The following ZC3H13 variants were observed in gnomAD, a reference collection of about 807,000 sequenced individuals.
ZC3H13 encodes zinc finger CCCH domain-containing protein 13.
A neutral mutation model predicts 204.1 loss-of-function variants in ZC3H13; 64 were observed. The ratio of observed to expected loss-of-function variants is 0.31; its 90% confidence interval spans 0.26 to 0.39. ZC3H13 has a LOEUF of 0.39. Ranked by LOEUF, ZC3H13 falls within the 10% of genes least tolerant of loss-of-function variation. The pLI is 1.00. For synonymous variants in ZC3H13, 667 were observed against 693.7 expected (o/e 0.96, Z 0.60); for missense variants, 1,833 against 2,082.7 (o/e 0.88, Z 2.33).
Position 45,969,866 on chromosome 13 carries a change from T to A in ZC3H13, c.2678A>T (p.Asp893Val), listed in dbSNP as rs766341038. The change falls in exon 14 of 19, where the codon GAT becomes GTT. Residue 893 changes from aspartate to valine, a missense_variant. Around this residue, in one of 5 missense-constraint regions of ZC3H13, gnomAD observed 1,574 missense variants for 1,757.2 expected, o/e 0.90. Transcript: ENST00000679008. Reference protein sequence around the residue: ...EDRQGRWKEEDRKPERKESSR... With the variant: ...EDRQGRWKEEVRKPERKESSR... ...ACTCTCTTTCCTTTCTGGTTTACGA[T>A]CCTCCTCTTTCCATCTACCCTGTCT... 5.6e-6 allele frequency: 9 copies of A among 1,613,890 alleles called. No homozygotes were observed. The highest frequency in any genetic ancestry group is 7.6e-6 in the Non-Finnish European group (9 of 1,179,976).
At chr13:46,030,087 T>C (rs1440616607) in intron 4 of ZC3H13, among the ~76,000 whole-genome samples, 2 of 152,150 alleles carry the variant, frequency 1.3e-5, no homozygotes, top group African/African-American at 4.8e-5. Flanking sequence ...CAAAAATCAA[T>C]TAATGTAACC....
intron 15 of ZC3H13, among the ~76,000 whole-genome samples, chr13:45,965,913 T>C (rs368239698): frequency 1.3e-5 from 2 of 152,312 alleles, no homozygotes; most frequent in South Asian, 4.1e-4. Context: ...TAGCTCATTA[T>C]ATAAACTTTA....
intron 8 of ZC3H13, among the ~76,000 whole-genome samples, chr13:45,993,675 C>T (rs2040125486): frequency 6.6e-6 from 1 of 152,140 alleles, no homozygotes; most frequent in South Asian, 2.1e-4. Flanking sequence ...CTAAATAAAC[C>T]TGTAAGATGA....
At chr13:45,979,055 C>A (rs1162359594) in intron 11 of ZC3H13, among the ~76,000 whole-genome samples, 1 of 152,050 alleles carries the variant, frequency 6.6e-6, no homozygotes, top group East Asian at 1.9e-4. Context: ...ATTCTCTGGG[C>A]CATCAAGTTT....
intron 11 of ZC3H13, 30 bp from the exon 12 acceptor site, chr13:45,975,868 T>C (rs763545784): frequency 6.3e-7 from 1 of 1,597,912 alleles, no homozygotes; most frequent in East Asian, 2.2e-5. Flanking sequence ...TTGTCAGTGA[T>C]TAATTTGACA....
rs1296630473 is a variant in ZC3H13 at position 46,041,532 on chromosome 13, G to A, written c.339+632C>T. Among the ~76,000 whole-genome samples, 4 of 152,182 alleles carry A rather than the reference G, an allele frequency of 2.6e-5. No homozygotes were observed. In the East Asian group the frequency reaches 7.7e-4, roughly 29 times the overall value. Reference sequence around the variant, plus strand: ...TCTAATAATACTAAAAACCACTGAGGCGTACACTTTTAATGAGTGAACTGT... The same window carrying A: ...TCTAATAATACTAAAAACCACTGAGACGTACACTTTTAATGAGTGAACTGT... On this transcript the variant is annotated intron_variant, in intron 4 of 18. Coordinates refer to ENST00000679008, the MANE Select transcript of ZC3H13 (RefSeq NM_001330564.2).
intron 8 of ZC3H13, among the ~76,000 whole-genome samples, chr13:45,994,449 C>A (rs901228124): frequency 6.6e-6 from 1 of 152,188 alleles, no homozygotes; most frequent in African/African-American, 2.4e-5. Flanking sequence ...CTTAAATTAA[C>A]CCATCCTTTA....
At chr13:45,979,371 A>G (rs1953350643) in intron 11 of ZC3H13, among the ~76,000 whole-genome samples, 1 of 152,074 alleles carries the variant, frequency 6.6e-6, no homozygotes, top group African/African-American at 2.4e-5. Flanking sequence ...AACAATCCCC[A>G]GCCCTATCAT....
chr13:45,958,108 T>C (rs1249658309), intron 18 of ZC3H13, among the ~76,000 whole-genome samples: 2 of 152,222 alleles, frequency 1.3e-5, no homozygotes, highest in East Asian at 1.9e-4. Context: ...AACTTGATTA[T>C]ACAGTCAAGA....
intron 10 of ZC3H13, among the ~76,000 whole-genome samples, chr13:45,982,386 G>A (rs1256446672): frequency 6.6e-6 from 1 of 152,102 alleles, no homozygotes; most frequent in Non-Finnish European, 1.5e-5. Flanking sequence ...AGGTAAGCCT[G>A]AGAATATGAC....
chr13:46,000,262 T>C (rs952948551), intron 8 of ZC3H13, among the ~76,000 whole-genome samples: 2 of 152,202 alleles, frequency 1.3e-5, no homozygotes, highest in African/African-American at 4.8e-5. Flanking sequence ...TATGGACATC[T>C]TGGATGGCAT....
At position 45,968,826 on chromosome 13, in the gene ZC3H13, T is replaced by G. The variant is rs764345416; in HGVS notation, c.3718A>C (p.Ser1240Arg). Residue 1240 changes from serine (S) to arginine (R), a missense_variant, in exon 14 of 19, where the codon AGC (serine) becomes CGC (arginine). Ser to Arg is a moderately radical substitution (Grantham distance 110). Coordinates refer to ENST00000679008, the MANE Select transcript of ZC3H13 (RefSeq NM_001330564.2). ...TTTCTCTCTCCTGTGATTTCCAGGC[T>G]TTTTGTTTTTTCTCTATCTCTTGAG... ...SGSRDREKTK[S>R]LEITGERKSR... The G allele has an allele frequency of 3.1e-6, 5 of 1,613,984 alleles. No individual in the cohort carries two copies. Among genetic ancestry groups the G allele is most frequent in the Non-Finnish European group, 4.2e-6 (5 of 1,179,984 alleles).
At position 45,968,045 on chromosome 13, in the gene ZC3H13, A is replaced by G. The variant is rs747130661; in HGVS notation, c.3797-17T>C. ...CCTGGCGATCTAAAATAAATATACC[A>G]TATATAAAGAGTTATTAGCACATGA... On this transcript the variant is annotated splice_polypyrimidine_tract_variant and intron_variant, in intron 14 of 18. Coordinates refer to ENST00000679008, the MANE Select transcript of ZC3H13 (RefSeq NM_001330564.2). The G allele has an allele frequency of 2.8e-5, 43 of 1,547,454 alleles. No homozygotes were observed. Among genetic ancestry groups the G allele is most frequent in the Admixed American group, 6.4e-5 (3 of 47,084 alleles).
chr13:46,002,998 T>C, intron 8 of ZC3H13, 141 bp downstream of exon 8: 1 of 650,624 alleles, frequency 1.5e-6, no homozygotes, highest in Non-Finnish European at 2.5e-6. Context: ...ATAATTATTA[T>C]GGGAATTATT....
At chr13:46,024,525 T>C (rs182420573) in intron 4 of ZC3H13, among the ~76,000 whole-genome samples, 1 of 152,312 alleles carries the variant, frequency 6.6e-6, no homozygotes, top group East Asian at 1.9e-4. Flanking sequence ...GTTACTGATG[T>C]CATCCTGTTG....
intron 3 of ZC3H13, among the ~76,000 whole-genome samples, chr13:46,043,648 CTA>C (rs951319118): frequency 5.3e-5 from 8 of 151,976 alleles, no homozygotes; most frequent in South Asian, 4.1e-4. Context: ...GCATTATGAA[CTA>C]TGTTTTTCCT....
At chr13:46,018,718 C>G (rs1340092958) in intron 5 of ZC3H13, among the ~76,000 whole-genome samples, 3 of 152,004 alleles carry the variant, frequency 2.0e-5, no homozygotes, top group African/African-American at 7.2e-5. Flanking sequence ...ACATACCTAC[C>G]AGGAAGAAAA....
intron 8 of ZC3H13, among the ~76,000 whole-genome samples, chr13:45,998,429 AG>A (rs1439518495): frequency 1.3e-5 from 2 of 152,036 alleles, no homozygotes; most frequent in East Asian, 1.9e-4. Context: ...GAGGATCACA[AG>A]GTAAGGAGAT....
rs181096167 is a variant in ZC3H13, at chr13:45,982,916, A to G, written c.1720+2381T>C. On this transcript the variant is annotated intron_variant, in intron 10 of 18. Coordinates refer to ENST00000679008, the MANE Select transcript of ZC3H13 (RefSeq NM_001330564.2). ...CATTCTATAATGAATAAAGAAAGAAATAACTCAATTTACGTGTACCTAATA... is the reference window on the plus strand; with the variant it reads ...CATTCTATAATGAATAAAGAAAGAAGTAACTCAATTTACGTGTACCTAATA... 2.6e-4 allele frequency among the ~76,000 whole-genome samples: 40 copies of G among 152,366 alleles called. 1 individual carries two copies. Among genetic ancestry groups the G allele is most frequent in the Admixed American group, 2.1e-3 (32 of 15,304 alleles).
Sources: gnomAD v4.1 joint callset for allele counts (sites outside exome capture counted in the v4.1 genomes callset) on GRCh38, gnomAD v4.1.1 for gene constraint, gnomAD v4.1.1 regional missense constraint, MANE v1.5 for transcripts, NCBI Gene and HGNC (gene_info 2026-07-23, HGNC 2026-07-21) for gene names.